The following TMEM117 variants were observed in gnomAD, a reference collection of about 807,000 sequenced individuals.
TMEM117 encodes the protein transmembrane protein 117.
A neutral mutation model predicts 52.4 loss-of-function variants in TMEM117; 27 were observed. That is an observed-to-expected ratio of 0.51 (90% CI 0.38 to 0.71). TMEM117 has a LOEUF of 0.71. Ranked by LOEUF, TMEM117 falls within the 30% of genes least tolerant of loss-of-function variation. The pLI, the probability that TMEM117 is intolerant of heterozygous loss-of-function variation, is 0.00. For synonymous variants in TMEM117, 215 were observed against 206.3 expected (o/e 1.04, Z -0.36); for missense variants, 556 against 630.5 (o/e 0.88, Z 1.26).
chr12:43,871,889 C>T (rs1387250915), intron 2 of TMEM117, among the ~76,000 whole-genome samples: 2 of 152,122 alleles, frequency 1.3e-5, no homozygotes, highest in Non-Finnish European at 2.9e-5. Context: ...ATATACATAT[C>T]AGTTGATCAG....
intron 5 of TMEM117, among the ~76,000 whole-genome samples, chr12:44,219,290 C>G (rs937388292): frequency 6.6e-6 from 1 of 151,068 alleles, no homozygotes; most frequent in Non-Finnish European, 1.5e-5. Flanking sequence ...CACATTAACT[C>G]CCTATATTCT....
chr12:44,124,010 A>T (rs1948281205), intron 3 of TMEM117, among the ~76,000 whole-genome samples: 1 of 151,878 alleles, frequency 6.6e-6, no homozygotes, highest in Non-Finnish European at 1.5e-5. Context: ...CCATTTTAAC[A>T]ATATAGATTC....
intron 3 of TMEM117, among the ~76,000 whole-genome samples, chr12:44,118,680 T>C (rs1426367726): frequency 6.6e-6 from 1 of 152,236 alleles, no homozygotes; most frequent in Non-Finnish European, 1.5e-5. Context: ...TGATGAGCTC[T>C]TCAAGTATTA....
intron 2 of TMEM117, among the ~76,000 whole-genome samples, chr12:43,924,722 A>G (rs550516566): frequency 1.3e-5 from 2 of 152,330 alleles, no homozygotes; most frequent in African/African-American, 2.4e-5. Context: ...CAAGTTCTCA[A>G]GTGGCTCTTA....
chr12:44,379,758 T>C (rs1261929761), intron 7 of TMEM117, among the ~76,000 whole-genome samples: 2 of 152,356 alleles, frequency 1.3e-5, no homozygotes, highest in South Asian at 2.1e-4. Context: ...CAAATTTCCA[T>C]GTGAACTACA....
intron 3 of TMEM117, among the ~76,000 whole-genome samples, chr12:44,024,677 G>A (rs973643077): frequency 6.6e-6 from 1 of 151,956 alleles, no homozygotes; most frequent in Non-Finnish European, 1.5e-5. Flanking sequence ...TGGAAACAAA[G>A]TGGAAGGATT....
chr12:44,079,344 T>A (rs1947440483), intron 3 of TMEM117, among the ~76,000 whole-genome samples: 1 of 152,174 alleles, frequency 6.6e-6, no homozygotes, highest in Non-Finnish European at 1.5e-5. Context: ...ATAAAAGCAT[T>A]CCTATTTCTC....
chr12:44,097,698 C>T (rs1947792321), intron 3 of TMEM117, among the ~76,000 whole-genome samples: 2 of 143,918 alleles, frequency 1.4e-5, no homozygotes, highest in African/African-American at 2.8e-5. Flanking sequence ...GGGAACATCA[C>T]ACTCTGTGGA....
intron 5 of TMEM117, among the ~76,000 whole-genome samples, chr12:44,237,426 A>G (rs1056904804): frequency 6.6e-6 from 1 of 152,058 alleles, no homozygotes; most frequent in Non-Finnish European, 1.5e-5. Context: ...CTCCTTTAAA[A>G]CAGGGACTAT....
At chr12:44,072,452 G>C (rs534494218) in intron 3 of TMEM117, among the ~76,000 whole-genome samples, 44 of 152,202 alleles carry the variant, frequency 2.9e-4, no homozygotes, top group African/African-American at 1.0e-3. Context: ...ACAAGAATTA[G>C]GTCCCTGGGT....
At chr12:44,042,823 C>A (rs1027571706) in intron 3 of TMEM117, among the ~76,000 whole-genome samples, 3 of 150,846 alleles carry the variant, frequency 2.0e-5, no homozygotes, top group African/African-American at 7.4e-5. Context: ...TTAGTTCTGC[C>A]CCTCTAGGGA....
chr12:44,376,473 T>A, intron 6 of TMEM117, 122 bp from the exon 7 acceptor site: 1 of 1,175,544 alleles, frequency 8.5e-7, no homozygotes, highest in South Asian at 1.3e-5. Flanking sequence ...AACTGATATA[T>A]CCAACAGCTG....
Position 44,193,837 on chromosome 12 carries a change from A to G in TMEM117, c.511-17453A>G, listed in dbSNP as rs1432115280. 2.6e-5 allele frequency among the ~76,000 whole-genome samples: 4 copies of G among 152,164 alleles called. No individual in the cohort carries two copies. In the East Asian group the frequency reaches 7.7e-4, roughly 29 times the overall value. ...AGTCCCTTCACAGAACGAAGCAAAAATTCTCTCTGAGGGAACACACTAACA... is the reference window on the plus strand; with the variant it reads ...AGTCCCTTCACAGAACGAAGCAAAAGTTCTCTCTGAGGGAACACACTAACA... On this transcript the variant is annotated intron_variant, in intron 4 of 7. Coordinates refer to ENST00000266534, the MANE Select transcript of TMEM117 (RefSeq NM_032256.3).
chr12:43,815,004 C>A, the TMEM117 span, among the ~76,000 whole-genome samples: 1 of 152,130 alleles, frequency 6.6e-6, no homozygotes, highest in African/African-American at 2.4e-5. Flanking sequence ...CTCGGCCTCC[C>A]AAAGTGCTGG....
intron 6 of TMEM117, among the ~76,000 whole-genome samples, chr12:44,357,560 A>T (rs1951667401): frequency 1.3e-5 from 2 of 152,128 alleles, no homozygotes; most frequent in African/African-American, 4.8e-5. Context: ...AGAACTTTTA[A>T]AAATGGTAGC....
the TMEM117 span, among the ~76,000 whole-genome samples, chr12:43,808,401 A>G: frequency 6.6e-6 from 1 of 152,196 alleles, no homozygotes; most frequent in African/African-American, 2.4e-5. Context: ...TTCTTGGCCA[A>G]GGTGGCTGGT....
In TMEM117 at chr12:43,891,658, G is replaced by A. The variant is rs373428686; in HGVS notation, c.277+46730G>A. On this transcript the variant is annotated intron_variant, in intron 2 of 7. Coordinates refer to ENST00000266534, the MANE Select transcript of TMEM117 (RefSeq NM_032256.3). ...TGGGATTACAGGCATGAGCCACTGC[G>A]CCCAGCCAGAAATACCTCTTGAATT... 5.3e-5 allele frequency among the ~76,000 whole-genome samples: 8 copies of A among 151,922 alleles called. No homozygotes were observed. The East Asian group carries it at 7.8e-4, about 15-fold the overall frequency.
At chr12:43,908,927 A>G (rs1944441255) in intron 2 of TMEM117, among the ~76,000 whole-genome samples, 1 of 143,148 alleles carries the variant, frequency 7.0e-6, no homozygotes, top group Non-Finnish European at 1.5e-5. Flanking sequence ...TGTCAACATT[A>G]GACAGATCAA....
At chr12:44,086,760 C>A (rs1158809808) in intron 3 of TMEM117, among the ~76,000 whole-genome samples, 3 of 151,992 alleles carry the variant, frequency 2.0e-5, no homozygotes, top group Admixed American at 2.0e-4. Context: ...TTTTTAGAAA[C>A]AGTTTTTACT....
Sources: allele counts gnomAD v4.1 joint callset (sites outside exome capture counted in the v4.1 genomes callset), GRCh38; gene constraint gnomAD v4.1.1; transcripts MANE v1.5; gene names NCBI Gene and HGNC (gene_info 2026-07-23, HGNC 2026-07-21).